The following MBD5 variants were observed in gnomAD, a reference collection of about 807,000 sequenced individuals.
The protein encoded by MBD5 is methyl-CpG binding domain protein 5.
Under a neutral mutation model 117.3 loss-of-function variants are expected in MBD5, and 13 were observed. That is an observed-to-expected ratio of 0.11 (90% CI 0.07 to 0.18). The LOEUF (loss-of-function observed/expected upper bound fraction) is 0.18. Among genes scored for constraint, MBD5 ranks in the 10% least tolerant of loss-of-function variants. The pLI is 1.00. For missense variants in MBD5, 1,879 were observed against 2,093.8 expected, an observed-to-expected ratio of 0.90 and a Z score of 2.00; for synonymous variants, 727 against 766.4, an observed-to-expected ratio of 0.95 and a Z score of 0.85.
At chr2:148,318,713 T>C (rs1276699295) in intron 3 of MBD5, among the ~76,000 whole-genome samples, 1 of 152,138 alleles carries the variant, frequency 6.6e-6, no homozygotes, top group Non-Finnish European at 1.5e-5. Flanking sequence ...ATGTACTTTC[T>C]CCAGTGTATT....
At chr2:148,094,034 A>G (rs1696004431) in intron 1 of MBD5, among the ~76,000 whole-genome samples, 1 of 152,204 alleles carries the variant, frequency 6.6e-6, no homozygotes, top group Admixed American at 6.5e-5. Context: ...ACTAAGGTAC[A>G]GAGAGCTGAA....
At chr2:148,136,271 C>T (rs1697170051) in intron 1 of MBD5, among the ~76,000 whole-genome samples, 1 of 152,166 alleles carries the variant, frequency 6.6e-6, no homozygotes, top group East Asian at 1.9e-4. Context: ...GATCCTAAGA[C>T]AGGAACTGTA....
chr2:148,087,611 G>A (rs1301270348), intron 1 of MBD5, among the ~76,000 whole-genome samples: 1 of 152,164 alleles, frequency 6.6e-6, no homozygotes, highest in East Asian at 1.9e-4. Flanking sequence ...ACCCGGAAGA[G>A]TGATAACAAT....
chr2:148,405,227 G>A (rs1029367611), intron 4 of MBD5, among the ~76,000 whole-genome samples: 4 of 152,120 alleles, frequency 2.6e-5, no homozygotes, highest in African/African-American at 9.7e-5. Flanking sequence ...TTCTAGTGAT[G>A]GGAGAAAGGA....
chr2:148,223,713 A>G (rs898321256), intron 2 of MBD5, among the ~76,000 whole-genome samples: 4 of 151,826 alleles, frequency 2.6e-5, no homozygotes, highest in Admixed American at 6.6e-5. Flanking sequence ...TAACTTGTTT[A>G]TTTCAATTTT....
chr2:148,326,698 C>T (rs1433686600), intron 3 of MBD5, among the ~76,000 whole-genome samples: 2 of 151,826 alleles, frequency 1.3e-5, no homozygotes, highest in Admixed American at 6.6e-5. Context: ...GGTAGATCTT[C>T]CTCCATCCTT....
intron 1 of MBD5, among the ~76,000 whole-genome samples, chr2:148,021,997 C>T (rs1356601311): frequency 1.3e-5 from 2 of 151,988 alleles, no homozygotes; most frequent in Admixed American, 1.3e-4. Context: ...CAATGAGGCG[C>T]CAGGGAAAGA....
chr2:148,093,495 C>T (rs1695991999), intron 1 of MBD5, among the ~76,000 whole-genome samples: 1 of 151,894 alleles, frequency 6.6e-6, no homozygotes, highest in Non-Finnish European at 1.5e-5. Flanking sequence ...GATTTTTGGT[C>T]AAAAGCAAGT....
chr2:148,404,402 T>G (rs1213257676), intron 4 of MBD5, among the ~76,000 whole-genome samples: 1 of 152,202 alleles, frequency 6.6e-6, no homozygotes, highest in African/African-American at 2.4e-5. Context: ...AGCAATTATT[T>G]TCTCAGCCTC....
intron 1 of MBD5, among the ~76,000 whole-genome samples, chr2:148,074,507 G>GTTTTTTTTTTTTTTTTTTTTTT (rs11443189): frequency 8.8e-6 from 1 of 113,772 alleles, no homozygotes. Context: ...TTTTTTTTTT[G>GTTTTTTTTTTTTTTTTTTTTTT]TTTTTTTTTT....
At chr2:148,221,244 A>C (rs1470201950) in intron 2 of MBD5, among the ~76,000 whole-genome samples, 1 of 152,160 alleles carries the variant, frequency 6.6e-6, no homozygotes, top group African/African-American at 2.4e-5. Context: ...ATGGGATTGC[A>C]GATAACTCTT....
intron 1 of MBD5, among the ~76,000 whole-genome samples, chr2:148,144,240 G>A (rs1697390205): frequency 3.3e-5 from 5 of 151,256 alleles, no homozygotes; most frequent in South Asian, 4.2e-4. Flanking sequence ...CTGCATAAAT[G>A]TCTTCTTTTG....
At chr2:148,463,359 G>A (rs35912812) in intron 6 of MBD5, among the ~76,000 whole-genome samples, 1,883 of 152,190 alleles carry the variant, frequency 0.012, 20 homozygotes, top group Non-Finnish European at 0.018. Context: ...ATAATAAAAT[G>A]AAGCCAAGGA....
At chr2:148,272,922 T>A (rs1574224100) in intron 3 of MBD5, among the ~76,000 whole-genome samples, 1 of 152,226 alleles carries the variant, frequency 6.6e-6, no homozygotes, top group East Asian at 1.9e-4. Context: ...GCAAGTATTA[T>A]AAGCAACACA....
intron 4 of MBD5, among the ~76,000 whole-genome samples, chr2:148,457,213 A>G (rs1173744468): frequency 6.6e-6 from 1 of 152,114 alleles, no homozygotes; most frequent in Non-Finnish European, 1.5e-5. Context: ...GAAATATAGT[A>G]TTTTTTGAAT....
At position 148,227,684 on chromosome 2, in the gene MBD5, A is replaced by T. The variant is rs377168705; in HGVS notation, c.-830-5561A>T. ...TGGTAGCTTGATGGGGATGGCATTGAATCTATAAATTACCTTGGGCAGTGT... is the reference window on the plus strand; with the variant it reads ...TGGTAGCTTGATGGGGATGGCATTGTATCTATAAATTACCTTGGGCAGTGT... On this transcript the variant is annotated intron_variant, in intron 2 of 13. Coordinates refer to ENST00000642680, the MANE Select transcript of MBD5 (RefSeq NM_001378120.1). Among the ~76,000 whole-genome samples the T allele has an allele frequency of 5.9e-5, 9 of 152,284 alleles. No homozygotes were observed. In the South Asian group the frequency reaches 1.2e-3, roughly 21 times the overall value.
rs1553501692 is a variant in MBD5, at chr2:148,330,088, T to TACACACACGCACACACAC, written c.-679-12118_-679-12117insGCACACACACACACACAC. ...CACACTGCCTAAAGCCCTCCTGCCA[T>TACACACACGCACACACAC]ACACACACACACACACACACACACA... On this transcript the variant is annotated intron_variant, in intron 3 of 13. Transcript: ENST00000642680. Among the ~76,000 whole-genome samples the TACACACACGCACACACAC allele has an allele frequency of 3.5e-4, 14 of 40,412 alleles. 1 individual carries two copies. In the East Asian group the frequency reaches 0.011, roughly 32 times the overall value. 26.5% of individuals were successfully genotyped at this position (40,412 alleles called of 152,430 possible). A position where few individuals can be genotyped will look rare whatever the true frequency, so the allele number is the denominator to read the frequency against.
intron 4 of MBD5, among the ~76,000 whole-genome samples, chr2:148,424,630 G>A (rs1705719074): frequency 6.6e-6 from 1 of 152,006 alleles, no homozygotes; most frequent in Admixed American, 6.6e-5. Context: ...CCACATAATT[G>A]GAAGTAAAAC....
At chr2:148,495,703 C>T (rs1006481197) in intron 11 of MBD5, among the ~76,000 whole-genome samples, 1 of 152,222 alleles carries the variant, frequency 6.6e-6, no homozygotes, top group African/African-American at 2.4e-5. Context: ...GGTGTTCCCT[C>T]TTCAAAACTG....
Sources: allele counts gnomAD v4.1 joint callset (sites outside exome capture counted in the v4.1 genomes callset), GRCh38; gene constraint gnomAD v4.1.1; transcripts MANE v1.5; gene names NCBI Gene and HGNC (gene_info 2026-07-23, HGNC 2026-07-21).